The following TBRG4 variants were observed in gnomAD, a reference collection of about 807,000 sequenced individuals.
TBRG4 encodes FAST kinase domain-containing protein 4.
Under a neutral mutation model 65.6 loss-of-function variants are expected in TBRG4, and 43 were observed. The observed-to-expected ratio is 0.66, with a 90% CI of 0.51 to 0.85. TBRG4 has a LOEUF of 0.85. Among genes scored for constraint, TBRG4 ranks in the 40% least tolerant of loss-of-function variants. The probability of loss-of-function intolerance (pLI) is 0.00; values close to 1 mark genes in which losing one functional copy is unlikely to be tolerated. For synonymous variants in TBRG4, 366 were observed against 341.4 expected (o/e 1.07, Z -0.79); for missense variants, 709 against 787.9 (o/e 0.90, Z 1.20).
intron 3 of TBRG4, chr7:45,105,172 T>C (rs1181659570): frequency 3.2e-6 from 2 of 623,350 alleles, no homozygotes; most frequent in African/African-American, 3.6e-5. Flanking sequence ...GTGATGGGGT[T>C]TGGGGGAAAG....
intron 1 of TBRG4, among the ~76,000 whole-genome samples, chr7:45,111,168 G>A (rs1785113631): frequency 1.3e-5 from 2 of 152,142 alleles, no homozygotes; most frequent in East Asian, 3.9e-4. Flanking sequence ...TAGAGACAGG[G>A]TTTCACCATG....
chr7:45,101,297 G>A lies in TBRG4; in HGVS notation c.1755C>T (p.Ala585=), dbSNP rs1562933690. The A allele has an allele frequency of 2.5e-6, 4 of 1,613,956 alleles. No individual in the cohort carries two copies. The highest frequency in any genetic ancestry group is 1.1e-5 in the South Asian group (1 of 91,076). Residue 585 remains alanine, a synonymous_variant, in exon 10 of 11, where the codon GCC becomes GCT. Coordinates refer to ENST00000258770, the MANE Select transcript of TBRG4 (RefSeq NM_004749.4). ...SKDLLGRFVL[A]RRHIVAAGFL... ...AGCCTGCAGCCACTATGTGTCGCCG[G>A]GCCAGAACAAAGCGACCCAGCAAGT... is the stretch of plus-strand genomic sequence containing the variant.
chr7:45,103,899 G>A lies in TBRG4; in HGVS notation c.1065+200C>T, dbSNP rs181328120. 6.4e-4 allele frequency: 470 copies of A among 738,600 alleles called. 2 individuals are homozygous for A. In the African/African-American group the frequency reaches 7.6e-3, roughly 12 times the overall value. The allele number at this position is 738,600 out of a possible 1,614,324, so 45.8% of individuals were successfully genotyped here. A position where few individuals can be genotyped will look rare whatever the true frequency, so the allele number is the denominator to read the frequency against. ...GAAGCACTTATAATGGTCAGTGAAA[G>A]AACAGAGGAAACAGTTCTCAAACAC... On this transcript the variant is annotated intron_variant, in intron 5 of 10. Transcript: ENST00000258770.
At chr7:45,102,317 T>A (rs372787742) in intron 7 of TBRG4, 30 bp downstream of exon 7, 1 of 1,613,490 alleles carries the variant, frequency 6.2e-7, no homozygotes, top group Non-Finnish European at 8.5e-7. Context: ...AGTTTCCCAG[T>A]TCCAGTAGTA....
Position 45,105,599 on chromosome 7 carries a change from T to C in TBRG4, c.577A>G (p.Thr193Ala). The C allele has an allele frequency of 6.2e-7, 1 of 1,614,060 alleles. No homozygotes were observed. Among genetic ancestry groups the C allele is most frequent in the Non-Finnish European group, 8.5e-7 (1 of 1,180,018 alleles). Reference protein sequence around the residue: ...HLAFLAESCATLSQEQHSQEL... With the variant: ...HLAFLAESCAALSQEQHSQEL... ...TGCGAGTGCTGCTCCTGTGAGAGGG[T>C]GGCACAGGACTCTGCCAGGAAGGCC... Residue 193 changes from threonine to alanine, a missense_variant, in exon 3 of 11, where the codon ACC (threonine) becomes GCC (alanine). Thr to Ala is a moderately conservative substitution (Grantham distance 58, BLOSUM62 0). Coordinates refer to ENST00000258770, the MANE Select transcript of TBRG4 (RefSeq NM_004749.4).
chr7:45,100,369 T>C lies in TBRG4; in HGVS notation c.1852A>G (p.Lys618Glu), dbSNP rs1784729091. 6.2e-7 allele frequency: 1 copy of C among 1,614,056 alleles called. No homozygotes were observed. Among genetic ancestry groups the C allele is most frequent in the Non-Finnish European group, 8.5e-7 (1 of 1,180,020 alleles). Residue 618 changes from lysine (K) to glutamate (E), a missense_variant, in exon 11 of 11, where the codon AAG becomes GAG. Lys to Glu is a moderately conservative substitution (Grantham distance 56). Transcript: ENST00000258770. ...KSEWQKGAYL[K>E]DKMRKAVAEE... ...GCCACCGCTTTGCGCATCTTGTCCT[T>C]GAGGTAGGCGCCTTTCTGCCATTCA...
intron 5 of TBRG4, chr7:45,103,736 A>G: frequency 3.8e-6 from 2 of 522,188 alleles, no homozygotes; most frequent in African/African-American, 1.9e-5. Context: ...CTGGTCACAC[A>G]TAAACGTAAC....
At chr7:45,104,778 G>T in intron 3 of TBRG4, 69 bp from the exon 4 acceptor site, 1 of 1,578,022 alleles carries the variant, frequency 6.3e-7, no homozygotes, top group Non-Finnish European at 8.6e-7. Flanking sequence ...GGGGGCAGGG[G>T]TCCCATGGTC....
At chr7:45,104,986 C>G (rs1286358684) in intron 3 of TBRG4, 1 of 750,170 alleles carries the variant, frequency 1.3e-6, no homozygotes, top group Admixed American at 1.7e-5. Context: ...GCTGTGGCAG[C>G]CATCTGGGCC....
chr7:45,104,515 A>T, intron 4 of TBRG4, 23 bp downstream of exon 4: 1 of 1,613,452 alleles, frequency 6.2e-7, no homozygotes, highest in Non-Finnish European at 8.5e-7. Flanking sequence ...CCCTCTCTCC[A>T]CCGTTCTGTC....
Position 45,104,262 on chromosome 7 carries a change from G to A in TBRG4, c.908-6C>T. On this transcript the variant is annotated splice_polypyrimidine_tract_variant and splice_region_variant and intron_variant, in intron 4 of 10. Transcript: ENST00000258770. ...CTGGTGAAAGCTGAGTTTGCCTTCA[G>A]GACAGAGCAGATCACAGGGTTTAGC... 1 of 1,613,656 alleles carries A rather than the reference G, an allele frequency of 6.2e-7. No individual in the cohort carries two copies. Among genetic ancestry groups the A allele is most frequent in the South Asian group, 1.1e-5 (1 of 91,030 alleles).
In TBRG4 at chr7:45,109,167, G is replaced by A. The variant is rs1214359295; in HGVS notation, c.71C>T (p.Ala24Val). The A allele has an allele frequency of 6.2e-7, 1 of 1,614,056 alleles. No homozygotes were observed. ...GGCAAGTCTCAGTCGGCCAACTGGA[G>A]CCATGGCAGGGGCCTGACGAGCAGC... is the stretch of plus-strand genomic sequence containing the variant. ...REAARQAPAM[A>V]PVGRLRLAWV... The change falls in exon 2 of 11, where the codon GCT becomes GTT. Residue 24 changes from alanine to valine, a missense_variant. Transcript: ENST00000258770.
At chr7:45,111,523 C>T in intron 1 of TBRG4, 120 bp downstream of exon 1, 1 of 1,169,704 alleles carries the variant, frequency 8.5e-7, no homozygotes, top group Non-Finnish European at 1.1e-6. Context: ...CCACGGCATC[C>T]CACCGCGTCC....
intron 4 of TBRG4, 27 bp downstream of exon 4, chr7:45,104,511 C>CAA: frequency 6.2e-7 from 1 of 1,613,678 alleles, no homozygotes; most frequent in Non-Finnish European, 8.5e-7. Context: ...GCTCCCCTCT[C>CAA]TCCACCGTTC....
At chr7:45,106,019 T>C (rs755727925) in intron 2 of TBRG4, 1 of 694,774 alleles carries the variant, frequency 1.4e-6, no homozygotes, top group South Asian at 1.4e-5. Context: ...TAACAGGGCC[T>C]GTGAGTCACT....
intron 2 of TBRG4, chr7:45,107,796 T>TA (rs1461635738): frequency 6.5e-6 from 1 of 154,048 alleles, no homozygotes; most frequent in Non-Finnish European, 1.5e-5. Context: ...CACATGTGAG[T>TA]AAAAAGAGTC....
At position 45,104,262 on chromosome 7, in the gene TBRG4, G is replaced by T. The variant is rs760280621; in HGVS notation, c.908-6C>A. The stretch of plus-strand genomic sequence containing the variant: ...CTGGTGAAAGCTGAGTTTGCCTTCA[G>T]GACAGAGCAGATCACAGGGTTTAGC... On this transcript the variant is annotated splice_polypyrimidine_tract_variant and splice_region_variant and intron_variant, in intron 4 of 10. Transcript: ENST00000258770. 1.2e-6 allele frequency: 2 copies of T among 1,613,658 alleles called. No homozygotes were observed. The highest frequency in any genetic ancestry group is 1.7e-6 in the Non-Finnish European group (2 of 1,179,844).
At chr7:45,102,602 A>G in intron 6 of TBRG4, 111 bp from the exon 7 acceptor site, 1 of 1,444,888 alleles carries the variant, frequency 6.9e-7, no homozygotes, top group East Asian at 2.3e-5. Context: ...GGATGAGGCC[A>G]GAGGAGGCTA....
At position 45,105,513 on chromosome 7, in the gene TBRG4, G is replaced by A. The variant is rs775409510; in HGVS notation, c.663C>T (p.Ser221=). The part of the protein sequence containing the change: ...LERRWTEIED[S]HTLVTVMMKV... Reference sequence around the variant, plus strand: ...TCATCATGACGGTCACTAATGTGTGGGAATCTTCAATTTCTGTCCAACGCC... The same window carrying A: ...TCATCATGACGGTCACTAATGTGTGAGAATCTTCAATTTCTGTCCAACGCC... Residue 221 remains serine (S), a synonymous_variant, in exon 3 of 11, where the codon TCC becomes TCT. Transcript: ENST00000258770. 20 of 1,614,158 alleles carry A rather than the reference G, an allele frequency of 1.2e-5. No individual in the cohort carries two copies. Among genetic ancestry groups the A allele is most frequent in the Non-Finnish European group, 1.7e-5 (20 of 1,180,022 alleles).
Sources: allele counts gnomAD v4.1 joint callset (sites outside exome capture counted in the v4.1 genomes callset), GRCh38; gene constraint gnomAD v4.1.1; transcripts MANE v1.5; gene names NCBI Gene and HGNC (gene_info 2026-07-23, HGNC 2026-07-21).